The following GABRG3 variants were observed in gnomAD, a reference collection of about 807,000 sequenced individuals.
The protein encoded by GABRG3 is gamma-aminobutyric acid type A receptor subunit gamma3.
In GABRG3, 25 loss-of-function variants were observed where a neutral mutation model predicts 48.8. The observed-to-expected ratio is 0.51, with a 90% CI of 0.37 to 0.72. The LOEUF is 0.72. GABRG3 is among the 30% of genes least tolerant of loss of function. GABRG3 has a pLI of 0.00. For missense variants in GABRG3, 394 were observed against 577.9 expected (o/e 0.68, Z 3.26); for synonymous variants, 227 against 217.6 (o/e 1.04, Z -0.38).
At chr15:27,079,839 G>A (rs959580500) in intron 3 of GABRG3, among the ~76,000 whole-genome samples, 1 of 152,206 alleles carries the variant, frequency 6.6e-6, no homozygotes, top group Admixed American at 6.5e-5. Flanking sequence ...GGCTAAGGAT[G>A]AGTTAGTGGA....
chr15:27,355,064 G>C (rs756610372), intron 5 of GABRG3, among the ~76,000 whole-genome samples: 1 of 152,180 alleles, frequency 6.6e-6, no homozygotes, highest in Non-Finnish European at 1.5e-5. Flanking sequence ...GGAAGACCCA[G>C]GGTGTTTGGC....
chr15:26,994,230 T>C (rs769872502), intron 2 of GABRG3, among the ~76,000 whole-genome samples: 15 of 152,042 alleles, frequency 9.9e-5, no homozygotes, highest in Non-Finnish European at 1.9e-4. Flanking sequence ...AGTAGGGACT[T>C]ACTTATGCTG....
chr15:27,123,237 A>G (rs148812759), intron 3 of GABRG3, among the ~76,000 whole-genome samples: 334 of 152,340 alleles, frequency 2.2e-3, no homozygotes, highest in African/African-American at 7.6e-3. Flanking sequence ...TGTAGGTATC[A>G]GATATCTTTT....
chr15:27,248,803 CAGAG>C (rs1170812736), intron 3 of GABRG3, among the ~76,000 whole-genome samples: 1,239 of 110,130 alleles, frequency 0.011, 20 homozygotes, highest in East Asian at 0.098. Context: ...CACACACACA[CAGAG>C]AGAGAGAGAG....
At chr15:27,019,525 A>G (rs1427694265) in intron 2 of GABRG3, among the ~76,000 whole-genome samples, 1 of 152,226 alleles carries the variant, frequency 6.6e-6, no homozygotes. Flanking sequence ...CAGGAATGCT[A>G]CTGCATACTG....
chr15:27,025,491 G>A (rs1595479471), intron 2 of GABRG3, among the ~76,000 whole-genome samples: 1 of 152,292 alleles, frequency 6.6e-6, no homozygotes, highest in South Asian at 2.1e-4. Flanking sequence ...ATAGTGCATG[G>A]AATTGTGTTG....
intron 3 of GABRG3, among the ~76,000 whole-genome samples, chr15:27,043,404 A>G (rs1395139810): frequency 2.6e-5 from 4 of 152,218 alleles, no homozygotes; most frequent in Admixed American, 2.0e-4. Context: ...CTCATGTTCT[A>G]TATCAGCAAA....
At chr15:27,358,527 A>G (rs1282869931) in intron 5 of GABRG3, among the ~76,000 whole-genome samples, 1 of 152,060 alleles carries the variant, frequency 6.6e-6, no homozygotes, top group East Asian at 1.9e-4. Flanking sequence ...ATTAGGGGTG[A>G]CACACTGCTT....
chr15:27,455,819 T>C lies in GABRG3; in HGVS notation c.575-24831T>C, dbSNP rs1160263426. Among the ~76,000 whole-genome samples the C allele has an allele frequency of 7.1e-5, 8 of 112,940 alleles. 1 individual carries two copies. The South Asian group carries it at 2.0e-3, about 29-fold the overall frequency. 74.1% of individuals were successfully genotyped at this position (112,940 alleles called of 152,430 possible). A position where few individuals can be genotyped will look rare whatever the true frequency, so the allele number is the denominator to read the frequency against. ...GTGCATGGTATATGTATGCCGTAGG[T>C]GGTTTGTGAGTGTGTGTGATGTGTG... On this transcript the variant is annotated intron_variant, in intron 5 of 9. Transcript: ENST00000615808.
At chr15:27,394,557 G>A (rs965241043) in intron 5 of GABRG3, among the ~76,000 whole-genome samples, 10 of 151,800 alleles carry the variant, frequency 6.6e-5, no homozygotes, top group Non-Finnish European at 5.9e-5. Flanking sequence ...TTTATTTGTT[G>A]TATGGCTTCT....
intron 3 of GABRG3, among the ~76,000 whole-genome samples, chr15:27,050,108 C>T (rs923373645): frequency 6.6e-6 from 1 of 152,158 alleles, no homozygotes; most frequent in African/African-American, 2.4e-5. Flanking sequence ...TGGTACATCC[C>T]GTTCTGATAC....
At chr15:27,430,737 C>G (rs1452048091) in intron 5 of GABRG3, among the ~76,000 whole-genome samples, 1 of 152,130 alleles carries the variant, frequency 6.6e-6, no homozygotes, top group African/African-American at 2.4e-5. Context: ...CACCTGTAAT[C>G]CCAGTACTTT....
chr15:27,500,321 A>G (rs1890590034), intron 6 of GABRG3, among the ~76,000 whole-genome samples: 1 of 152,156 alleles, frequency 6.6e-6, no homozygotes. Context: ...CCCAGAAGCC[A>G]AGACAGCACC....
chr15:27,093,816 C>T (rs968814960), intron 3 of GABRG3, among the ~76,000 whole-genome samples: 13 of 152,058 alleles, frequency 8.5e-5, no homozygotes, highest in Non-Finnish European at 1.5e-4. Context: ...TTTTAAATGT[C>T]GAGGTCCCTT....
At chr15:27,211,257 G>T (rs1029190751) in intron 3 of GABRG3, among the ~76,000 whole-genome samples, 1 of 152,170 alleles carries the variant, frequency 6.6e-6, no homozygotes, top group Admixed American at 6.5e-5. Context: ...GCAGTGCCAT[G>T]ATTTATTATT....
At chr15:27,398,208 G>A (rs1487773981) in intron 5 of GABRG3, among the ~76,000 whole-genome samples, 1 of 152,120 alleles carries the variant, frequency 6.6e-6, no homozygotes, top group African/African-American at 2.4e-5. Context: ...AAAAGCCTGG[G>A]AATGACCTTT....
Position 26,971,498 on chromosome 15 carries a change from C to G in GABRG3, c.-38C>G. On this transcript the variant is annotated 5_prime_UTR_variant, in exon 1 of 10. Transcript: ENST00000615808. ...CGCGCCGGAGGAAGCCGCGCCCGGC[C>G]GAGGCCCCGGACCCTGCGCCCCGAG... 1 of 1,469,770 alleles carries G rather than the reference C, an allele frequency of 6.8e-7. No homozygotes were observed. The highest frequency in any genetic ancestry group is 9.0e-7 in the Non-Finnish European group (1 of 1,106,096). 91.0% of individuals were successfully genotyped at this position (1,469,770 alleles called of 1,614,324 possible). A position where few individuals can be genotyped will look rare whatever the true frequency, so the allele number is the denominator to read the frequency against.
At chr15:27,264,821 C>T (rs2140469283) in intron 3 of GABRG3, among the ~76,000 whole-genome samples, 1 of 152,084 alleles carries the variant, frequency 6.6e-6, no homozygotes, top group East Asian at 1.9e-4. Context: ...TATCGTCTCT[C>T]CCTCTTTCCT....
At chr15:27,306,317 CAT>C (rs1455055198) in intron 3 of GABRG3, among the ~76,000 whole-genome samples, 1 of 131,528 alleles carries the variant, frequency 7.6e-6, no homozygotes, top group Non-Finnish European at 1.5e-5. Flanking sequence ...ATAATATAAA[CAT>C]GTCTATATAT....
Sources: allele counts gnomAD v4.1 joint callset (sites outside exome capture counted in the v4.1 genomes callset), GRCh38; gene constraint gnomAD v4.1.1; transcripts MANE v1.5; gene names NCBI Gene and HGNC (gene_info 2026-07-23, HGNC 2026-07-21).